BIN3: variants seen among roughly 807,000 people sequenced by gnomAD.
The protein encoded by BIN3 is bridging integrator 3.
A neutral mutation model predicts 38.2 loss-of-function variants in BIN3; 41 were observed. That is an observed-to-expected ratio of 1.07 (90% CI 0.84 to 1.39). BIN3 has a LOEUF of 1.39. Among genes scored for constraint, BIN3 ranks in the 40% most tolerant of loss-of-function variants. BIN3 has a pLI of 0.00. For synonymous variants in BIN3, 145 were observed against 122.6 expected (o/e 1.18, Z -1.21); for missense variants, 361 against 324.3 (o/e 1.11, Z -0.87).
intron 8 of BIN3, among the ~76,000 whole-genome samples, chr8:22,623,330 G>A (rs7830788): frequency 0.075 from 11,349 of 152,232 alleles, 684 homozygotes; most frequent in African/African-American, 0.17. Flanking sequence ...AGACGCTGGG[G>A]CCTGGCCCGT....
chr8:22,640,908 C>G (rs1437401266), intron 2 of BIN3, among the ~76,000 whole-genome samples: 1 of 152,140 alleles, frequency 6.6e-6, no homozygotes, highest in East Asian at 1.9e-4. Context: ...TGGTGCCGCT[C>G]AAGGCCATCT....
At chr8:22,631,734 T>A (rs1038311) in intron 4 of BIN3, among the ~76,000 whole-genome samples, 1 of 151,910 alleles carries the variant, frequency 6.6e-6, no homozygotes, top group Admixed American at 6.6e-5. Flanking sequence ...CGGATCCCCA[T>A]GAATGTGCCG....
At chr8:22,646,788 C>T (rs1802726017) in intron 1 of BIN3, among the ~76,000 whole-genome samples, 1 of 152,234 alleles carries the variant, frequency 6.6e-6, no homozygotes, top group Non-Finnish European at 1.5e-5. Flanking sequence ...CTTCCCCACA[C>T]CCTGGTTACT....
At position 22,667,379 on chromosome 8, in the gene BIN3, A is replaced by G. The variant is rs181941636; in HGVS notation, c.8+1665T>C. On this transcript the variant is annotated intron_variant, in intron 1 of 8. Transcript: ENST00000276416. ...ACCCAGAGAATCATTTACCTTTATT[A>G]GTTTCTGCTGTGCTCTTCTCCCAAC... Among the ~76,000 whole-genome samples, 18 of 152,262 alleles carry G rather than the reference A, an allele frequency of 1.2e-4. No individual in the cohort carries two copies. The East Asian group carries it at 3.3e-3, about 28-fold the overall frequency.
At chr8:22,624,123 G>C in intron 7 of BIN3, 74 bp from the exon 8 acceptor site, 1 of 1,588,546 alleles carries the variant, frequency 6.3e-7, no homozygotes. Flanking sequence ...GGGTGGGGAC[G>C]TCTGGTGTCT....
At position 22,628,037 on chromosome 8, in the gene BIN3, T is replaced by A. The variant is rs149253063; in HGVS notation, c.338+1927A>T. 4.1e-3 allele frequency among the ~76,000 whole-genome samples: 628 copies of A among 152,196 alleles called. 4 individuals are homozygous for A. The highest frequency in any genetic ancestry group is 6.3e-3 in the Admixed American group (97 of 15,288). ...AGGCTCAATATCAAACTCACTCCCC[T>A]GGGGATGGGAGGGGCGAAGAGGAGA... On this transcript the variant is annotated intron_variant, in intron 6 of 8. Coordinates refer to ENST00000276416, the MANE Select transcript of BIN3 (RefSeq NM_018688.6).
At chr8:22,636,843 G>A (rs548099848) in intron 3 of BIN3, 79 bp downstream of exon 3, 34 of 1,490,224 alleles carry the variant, frequency 2.3e-5, no homozygotes, top group African/African-American at 1.2e-4. Context: ...GGCAGGGCAC[G>A]GGGCAGACAG....
intron 1 of BIN3, among the ~76,000 whole-genome samples, chr8:22,657,328 C>T (rs1211880780): frequency 6.6e-6 from 1 of 152,198 alleles, no homozygotes; most frequent in East Asian, 1.9e-4. Context: ...TGTCTTTGGG[C>T]TCCCAATCCT....
intron 4 of BIN3, among the ~76,000 whole-genome samples, chr8:22,630,862 A>G (rs1451081222): frequency 6.6e-6 from 1 of 152,190 alleles, no homozygotes; most frequent in Non-Finnish European, 1.5e-5. Flanking sequence ...GAGGCTATAA[A>G]ATATGTTTCT....
At chr8:22,655,679 T>G (rs1453085492) in intron 1 of BIN3, among the ~76,000 whole-genome samples, 1 of 152,238 alleles carries the variant, frequency 6.6e-6, no homozygotes, top group East Asian at 1.9e-4. Context: ...CTTTGTAGTA[T>G]TAAGACTGGG....
At chr8:22,659,023 C>T (rs1011179362) in intron 1 of BIN3, among the ~76,000 whole-genome samples, 6 of 152,320 alleles carry the variant, frequency 3.9e-5, no homozygotes, top group African/African-American at 1.4e-4. Context: ...GGCCTGAGGC[C>T]CCACAAGGCC....
chr8:22,621,179 C>T lies in BIN3; in HGVS notation c.*243G>A. The T allele has an allele frequency of 1.9e-6, 1 of 531,818 alleles. No individual in the cohort carries two copies. The highest frequency in any genetic ancestry group is 3.3e-6 in the Non-Finnish European group (1 of 299,206). 32.9% of individuals were successfully genotyped at this position (531,818 alleles called of 1,614,324 possible). ...GCCAGGATGCATGCTGGACGGTTCT[C>T]CAAATAAAAAAGCCCCAAGGGTTTG... is the stretch of plus-strand genomic sequence containing the variant. On this transcript the variant is annotated 3_prime_UTR_variant, in exon 9 of 9. Coordinates refer to ENST00000276416, the MANE Select transcript of BIN3 (RefSeq NM_018688.6).
intron 1 of BIN3, among the ~76,000 whole-genome samples, chr8:22,645,605 G>T (rs538505772): frequency 7.5e-6 from 1 of 133,972 alleles, no homozygotes; most frequent in East Asian, 2.2e-4. Context: ...GAAGACACCC[G>T]CGAGGATGGC....
chr8:22,621,239 G>GA lies in BIN3; in HGVS notation c.*182dup, dbSNP rs1441476938. ...CTTACCTGCTGGGGCTGTGAGTGGGGAGACGGCGGCCTGCCTAGGGCTCCT... is the reference window on the plus strand; with the variant it reads ...CTTACCTGCTGGGGCTGTGAGTGGGGAAGACGGCGGCCTGCCTAGGGCTCCT... On this transcript the variant is annotated 3_prime_UTR_variant, in exon 9 of 9. Transcript: ENST00000276416. 5.4e-6 allele frequency: 4 copies of GA among 734,036 alleles called. No homozygotes were observed. Among genetic ancestry groups the GA allele is most frequent in the Non-Finnish European group, 8.7e-6 (4 of 460,616 alleles). 45.5% of individuals were successfully genotyped at this position (734,036 alleles called of 1,614,324 possible). A position where few individuals can be genotyped will look rare whatever the true frequency, so the allele number is the denominator to read the frequency against.
At chr8:22,640,933 A>T (rs1368232937) in intron 2 of BIN3, among the ~76,000 whole-genome samples, 2 of 151,982 alleles carry the variant, frequency 1.3e-5, no homozygotes, top group Non-Finnish European at 2.9e-5. Flanking sequence ...GCCTGAGAGG[A>T]GTTTGGACAC....
intron 4 of BIN3, among the ~76,000 whole-genome samples, chr8:22,631,583 C>T (rs910226597): frequency 2.0e-5 from 3 of 152,246 alleles, no homozygotes; most frequent in Non-Finnish European, 4.4e-5. Flanking sequence ...GTGCGCCAGC[C>T]GGGCCCTGAC....
intron 6 of BIN3, chr8:22,625,147 CAGAG>C (rs1382566924): frequency 1.2e-5 from 7 of 585,632 alleles, no homozygotes; most frequent in African/African-American, 1.8e-5. Context: ...GAGTGGCCCT[CAGAG>C]AGAGCAGCAG....
chr8:22,665,206 T>C (rs1183919599), intron 1 of BIN3, among the ~76,000 whole-genome samples: 3 of 152,186 alleles, frequency 2.0e-5, no homozygotes, highest in East Asian at 1.9e-4. Context: ...TGGAAGCCAC[T>C]TGTGTCGGTC....
chr8:22,626,925 C>T (rs1396683697), intron 6 of BIN3, among the ~76,000 whole-genome samples: 3 of 152,154 alleles, frequency 2.0e-5, no homozygotes, highest in African/African-American at 7.2e-5. Context: ...AGCGGAGTGC[C>T]GAGCGGGGGT....
Sources: gnomAD v4.1 joint callset for allele counts (sites outside exome capture counted in the v4.1 genomes callset) on GRCh38, gnomAD v4.1.1 for gene constraint, MANE v1.5 for transcripts, NCBI Gene and HGNC (gene_info 2026-07-23, HGNC 2026-07-21) for gene names.